Variants in RBMS3 observed in about 807,000 individuals in gnomAD.
RBMS3 encodes RNA binding motif single stranded interacting protein 3.
RBMS3 carries 27 observed loss-of-function variants against 66.8 expected under a neutral mutation model. The ratio of observed to expected loss-of-function variants is 0.40; its 90% CI spans 0.30 to 0.56. The LOEUF (loss-of-function observed/expected upper bound fraction) is 0.56. Among genes scored for constraint, RBMS3 ranks in the 20% least tolerant of loss-of-function variants. The probability of loss-of-function intolerance (pLI) is 0.40; values close to 1 mark genes in which losing one functional copy is unlikely to be tolerated. For missense variants in RBMS3, 513 were observed against 549.5 expected (o/e 0.93, Z 0.66); for synonymous variants, 188 against 183.0 (o/e 1.03, Z -0.22).
chr3:29,462,245 C>T (rs1046649100), intron 2 of RBMS3, among the ~76,000 whole-genome samples: 1 of 152,058 alleles, frequency 6.6e-6, no homozygotes, highest in Non-Finnish European at 1.5e-5. Flanking sequence ...CTCTACAGAC[C>T]CTTTGTCAAT....
rs13322709 is a variant in RBMS3, at chr3:29,698,540, C to T, written c.400-41180C>T. 248 of 985,112 alleles carry T rather than the reference C, an allele frequency of 2.5e-4. No individual in the cohort carries two copies. The African/African-American group carries it at 3.6e-3, about 14-fold the overall frequency. The allele number at this position is 985,112 out of a possible 1,614,324, so 61.0% of individuals were successfully genotyped here. On this transcript the variant is annotated intron_variant, in intron 4 of 14. Transcript: ENST00000383767. ...TTTTATGGATGGTGGGTCAAGATGG[C>T]GGATTCAATGAAATAGTATTTCATA...
intron 3 of RBMS3, among the ~76,000 whole-genome samples, chr3:29,547,185 G>C (rs1398146926): frequency 1.3e-5 from 2 of 152,072 alleles, no homozygotes; most frequent in African/African-American, 4.8e-5. Flanking sequence ...GGCTGGTTTT[G>C]AACTCTTGAC....
intron 4 of RBMS3, among the ~76,000 whole-genome samples, chr3:29,617,572 T>G (rs539700736): frequency 8.2e-4 from 125 of 152,324 alleles, no homozygotes; most frequent in Non-Finnish European, 1.5e-3. Context: ...GAAACTGGGA[T>G]GCCTAATCTA....
intron 6 of RBMS3, among the ~76,000 whole-genome samples, chr3:29,764,202 G>T (rs2149385155): frequency 6.6e-6 from 1 of 152,052 alleles, no homozygotes; most frequent in East Asian, 1.9e-4. Context: ...CTGATTGCTG[G>T]CTAATCAGTG....
chr3:29,943,110 G>A (rs1238368070), intron 11 of RBMS3, among the ~76,000 whole-genome samples: 3 of 151,764 alleles, frequency 2.0e-5, no homozygotes, highest in African/African-American at 7.2e-5. Context: ...AGGAGAGAGT[G>A]ATTAAAATTG....
chr3:29,760,998 C>A (rs757555313), intron 5 of RBMS3, among the ~76,000 whole-genome samples: 9 of 151,540 alleles, frequency 5.9e-5, no homozygotes, highest in Non-Finnish European at 1.0e-4. Context: ...ACATACTGAG[C>A]GTTAATGTTA....
chr3:29,861,905 T>G (rs1037991239), intron 6 of RBMS3, among the ~76,000 whole-genome samples: 1 of 152,214 alleles, frequency 6.6e-6, no homozygotes, highest in African/African-American at 2.4e-5. Context: ...TAGACCATAA[T>G]GTCTTCTAGC....
intron 3 of RBMS3, among the ~76,000 whole-genome samples, chr3:29,514,400 T>C (rs2044529815): frequency 6.6e-6 from 1 of 151,926 alleles, no homozygotes; most frequent in South Asian, 2.1e-4. Flanking sequence ...TGGATGGGGA[T>C]TGGTAGTAGT....
At chr3:29,862,348 TA>T (rs1453041207) in intron 6 of RBMS3, among the ~76,000 whole-genome samples, 1 of 152,138 alleles carries the variant, frequency 6.6e-6, no homozygotes, top group Non-Finnish European at 1.5e-5. Flanking sequence ...GTATTATCTA[TA>T]ACTAAGTGCA....
intron 3 of RBMS3, among the ~76,000 whole-genome samples, chr3:29,576,253 G>A (rs1181517239): frequency 1.3e-5 from 2 of 152,084 alleles, no homozygotes; most frequent in South Asian, 2.1e-4. Flanking sequence ...GGTAAGATCT[G>A]GAAGAATTCT....
chr3:29,285,940 C>G (rs187346647), intron 1 of RBMS3, among the ~76,000 whole-genome samples: 105 of 152,220 alleles, frequency 6.9e-4, no homozygotes, highest in African/African-American at 2.5e-3. Context: ...GAAAATCTTG[C>G]AGAGGGAGGG....
chr3:29,594,348 T>C (rs2047870001), intron 4 of RBMS3, among the ~76,000 whole-genome samples: 1 of 152,208 alleles, frequency 6.6e-6, no homozygotes, highest in South Asian at 2.1e-4. Context: ...CGTGTTGTTC[T>C]ATTGTTGTAC....
intron 2 of RBMS3, among the ~76,000 whole-genome samples, chr3:29,472,938 C>T (rs930370402): frequency 4.0e-5 from 6 of 151,254 alleles, no homozygotes; most frequent in African/African-American, 9.7e-5. Context: ...TTGGTAGAGC[C>T]GAGTGGTCTG....
chr3:29,571,540 T>C (rs1473204596), intron 3 of RBMS3, among the ~76,000 whole-genome samples: 1 of 152,130 alleles, frequency 6.6e-6, no homozygotes, highest in Non-Finnish European at 1.5e-5. Context: ...TGTCCATTCT[T>C]CAATGTGTGG....
At chr3:29,823,976 A>C (rs2058138287) in intron 6 of RBMS3, among the ~76,000 whole-genome samples, 1 of 152,082 alleles carries the variant, frequency 6.6e-6, no homozygotes, top group Admixed American at 6.6e-5. Context: ...CATTCTTGAT[A>C]ATACTTGACA....
intron 6 of RBMS3, among the ~76,000 whole-genome samples, chr3:29,844,597 A>C (rs2058735909): frequency 6.6e-6 from 1 of 152,220 alleles, no homozygotes; most frequent in African/African-American, 2.4e-5. Flanking sequence ...ATTTTCTCAA[A>C]AGAAATGAAT....
At chr3:29,559,429 T>G (rs1225380609) in intron 3 of RBMS3, among the ~76,000 whole-genome samples, 1 of 144,510 alleles carries the variant, frequency 6.9e-6, no homozygotes, top group South Asian at 2.2e-4. Context: ...GAGAGTCACT[T>G]GAACCTGGGA....
chr3:29,774,057 TC>T (rs1576764772), intron 6 of RBMS3, among the ~76,000 whole-genome samples: 2 of 152,200 alleles, frequency 1.3e-5, no homozygotes, highest in East Asian at 3.9e-4. Flanking sequence ...GGTATTATAT[TC>T]ATACAGACAC....
intron 3 of RBMS3, among the ~76,000 whole-genome samples, chr3:29,550,970 A>G (rs2046161774): frequency 6.6e-6 from 1 of 152,228 alleles, no homozygotes; most frequent in Non-Finnish European, 1.5e-5. Flanking sequence ...GGTGTCCACT[A>G]AAGTCTCTGC....
Sources: allele counts gnomAD v4.1 joint callset (sites outside exome capture counted in the v4.1 genomes callset), GRCh38; gene constraint gnomAD v4.1.1; transcripts MANE v1.5; gene names NCBI Gene and HGNC (gene_info 2026-07-23, HGNC 2026-07-21).